Variants in DPH6 observed in about 807,000 individuals in gnomAD.
The protein encoded by DPH6 is diphthamine biosynthesis 6.
Under a neutral mutation model 38.2 loss-of-function variants are expected in DPH6, and 33 were observed. That is an observed-to-expected ratio of 0.86 (90% CI 0.65 to 1.15). The LOEUF is 1.15. DPH6 is among the 50% of genes most tolerant of loss of function. The probability of loss-of-function intolerance (pLI) is 0.00; values close to 1 mark genes in which losing one functional copy is unlikely to be tolerated. For missense variants in DPH6, 325 were observed against 320.0 expected (o/e 1.02, Z -0.12); for synonymous variants, 108 against 103.0 (o/e 1.05, Z -0.30).
intron 3 of DPH6, among the ~76,000 whole-genome samples, chr15:35,510,858 C>A (rs1005626884): frequency 3.9e-5 from 6 of 152,078 alleles, no homozygotes; most frequent in Admixed American, 1.3e-4. Flanking sequence ...TTGCCTAAAT[C>A]AAAGAAAAGT....
intron 6 of DPH6, among the ~76,000 whole-genome samples, chr15:35,388,052 A>AG (rs1270603012): frequency 2.1e-4 from 32 of 152,154 alleles, no homozygotes. Flanking sequence ...TTTAGCATGA[A>AG]GGTTGTTGAA....
chr15:35,420,289 C>T (rs954390120), intron 5 of DPH6, among the ~76,000 whole-genome samples: 5 of 151,930 alleles, frequency 3.3e-5, no homozygotes, highest in Admixed American at 6.6e-5. Flanking sequence ...TTATGGGATG[C>T]AGCAAAAGCA....
the DPH6 span, among the ~76,000 whole-genome samples, chr15:35,163,003 C>T: frequency 0.035 from 5,323 of 151,946 alleles, 116 homozygotes; most frequent in Non-Finnish European, 0.047. Context: ...AGCTTACAAA[C>T]ATGCTTGCTA....
At chr15:35,218,281 G>A (rs878975626) in exon 4 of DPH6, 4 of 152,142 alleles carry the variant, frequency 2.6e-5, no homozygotes, top group African/African-American at 7.2e-5. Context: ...CAAAGAGAAC[G>A]AAACACCTTT....
At chr15:35,521,286 T>A (rs1281332056) in intron 3 of DPH6, 2 of 988,510 alleles carry the variant, frequency 2.0e-6, no homozygotes, top group East Asian at 2.2e-4. Context: ...AGAAAGCTTT[T>A]ATAATGGTCC....
intron 3 of DPH6, among the ~76,000 whole-genome samples, chr15:35,456,963 T>C (rs930941212): frequency 6.6e-6 from 1 of 152,098 alleles, no homozygotes; most frequent in Admixed American, 6.6e-5. Flanking sequence ...GTATTTTTAA[T>C]TTTTATTTAT....
Position 35,311,051 on chromosome 15 carries a change from C to T in DPH6, n.200+62470G>A, listed in dbSNP as rs889795213. Among the ~76,000 whole-genome samples the T allele has an allele frequency of 4.0e-5, 6 of 150,120 alleles. No individual in the cohort carries two copies. The East Asian group carries it at 1.2e-3, about 29-fold the overall frequency. ...TCCAGCCTGGGCAACAAGAGTGAAA[C>T]GCCACCTCAAAAACAACAACAACAA... On this transcript the variant is annotated intron_variant and non_coding_transcript_variant, in intron 3 of 3. Transcript: ENST00000560386.
chr15:35,538,568 C>T, intron 2 of DPH6, 101 bp from the exon 3 acceptor site: 1 of 1,005,532 alleles, frequency 9.9e-7, no homozygotes, highest in South Asian at 2.7e-5. Flanking sequence ...CGACACAGAA[C>T]TTGAAAGCTT....
intron 3 of DPH6, among the ~76,000 whole-genome samples, chr15:35,503,345 T>C (rs540932093): frequency 6.6e-6 from 1 of 152,210 alleles, no homozygotes; most frequent in East Asian, 1.9e-4. Context: ...TTCTGATTTC[T>C]AACCACACCT....
chr15:35,149,583 C>T, the DPH6 span, among the ~76,000 whole-genome samples: 61,523 of 151,944 alleles, frequency 0.4, 12,700 homozygotes, highest in Middle Eastern at 0.59. Context: ...GACCACCACA[C>T]GGGCCTTCCT....
intron 3 of DPH6, among the ~76,000 whole-genome samples, chr15:35,250,820 G>T (rs1401346659): frequency 2.0e-5 from 3 of 152,140 alleles, no homozygotes; most frequent in African/African-American, 7.2e-5. Flanking sequence ...AAAGCTTTGT[G>T]AGTAGGCAGA....
downstream of DPH6, among the ~76,000 whole-genome samples, chr15:35,369,046 G>C (rs1390253178): frequency 6.6e-6 from 1 of 151,770 alleles, no homozygotes; most frequent in Non-Finnish European, 1.5e-5. Context: ...AAAAAGAAGA[G>C]AAGCTACTGA....
At chr15:35,262,042 C>T (rs2051750631) in intron 3 of DPH6, among the ~76,000 whole-genome samples, 1 of 152,080 alleles carries the variant, frequency 6.6e-6, no homozygotes. Context: ...TGTGTATGGT[C>T]CTTGTACTTT....
At chr15:35,180,196 GA>G in the DPH6 span, among the ~76,000 whole-genome samples, 1 of 151,570 alleles carries the variant, frequency 6.6e-6, no homozygotes, top group Non-Finnish European at 1.5e-5. Flanking sequence ...ACTATACTCT[GA>G]AAAAAAGTGA....
At chr15:35,188,951 G>C in the DPH6 span, among the ~76,000 whole-genome samples, 1 of 152,070 alleles carries the variant, frequency 6.6e-6, no homozygotes, top group South Asian at 2.1e-4. Flanking sequence ...AGCATTAAAA[G>C]CCTGATGAAA....
intron 3 of DPH6, among the ~76,000 whole-genome samples, chr15:35,342,627 A>T (rs2052430641): frequency 6.6e-6 from 1 of 152,180 alleles, no homozygotes; most frequent in Non-Finnish European, 1.5e-5. Context: ...GGCCCCTCCA[A>T]AGTGGTTTCT....
rs10649323 is a variant in DPH6 at position 35,469,072 on chromosome 15, A to AAACAACAACAAC, written c.313-14264_313-14253dup. On this transcript the variant is annotated intron_variant, in intron 3 of 8. Transcript: ENST00000256538. ...GCAACAAGAGCAAAACTCTGCTTCA[A>AAACAACAACAAC]AACAACAACAACAACAACAACAACA... Among the ~76,000 whole-genome samples, 655 of 149,156 alleles carry AAACAACAACAAC rather than the reference A, an allele frequency of 4.4e-3. 6 individuals are homozygous for AAACAACAACAAC. Among genetic ancestry groups the AAACAACAACAAC allele is most frequent in the African/African-American group, 0.015 (620 of 40,400 alleles).
chr15:35,308,541 G>C (rs755867890), intron 3 of DPH6, among the ~76,000 whole-genome samples: 12 of 151,956 alleles, frequency 7.9e-5, no homozygotes, highest in Non-Finnish European at 1.6e-4. Context: ...TAATTTAAGT[G>C]CCTGGTGGCC....
chr15:35,496,135 T>A (rs1198859469), intron 3 of DPH6, among the ~76,000 whole-genome samples: 1 of 152,202 alleles, frequency 6.6e-6, no homozygotes, highest in East Asian at 1.9e-4. Context: ...ACAGAAAGAT[T>A]CCTTAAACAC....
Sources: allele counts gnomAD v4.1 joint callset (sites outside exome capture counted in the v4.1 genomes callset), GRCh38; gene constraint gnomAD v4.1.1; transcripts MANE v1.5; gene names NCBI Gene and HGNC (gene_info 2026-07-23, HGNC 2026-07-21).